Variants in NRXN3 observed in about 807,000 individuals in gnomAD.
NRXN3 encodes neurexin 3, also known as neurexin III.
A neutral mutation model predicts 137.6 loss-of-function variants in NRXN3; 32 were observed. The ratio of observed to expected loss-of-function variants is 0.23; its 90% CI spans 0.18 to 0.31. The LOEUF is 0.31. Ranked by LOEUF, NRXN3 falls within the 10% of genes least tolerant of loss-of-function variation. The pLI, the probability that NRXN3 is intolerant of heterozygous loss-of-function variation, is 1.00. For missense variants in NRXN3, 1,574 were observed against 2,062.5 expected (o/e 0.76, Z 4.59); for synonymous variants, 798 against 784.5 (o/e 1.02, Z -0.29).
At chr14:78,955,165 C>T (rs546702033) in intron 10 of NRXN3, among the ~76,000 whole-genome samples, 1 of 152,166 alleles carries the variant, frequency 6.6e-6, no homozygotes, top group South Asian at 2.1e-4. Context: ...CGTCTTTCTT[C>T]ACTTTTTTCT....
intron 15 of NRXN3, among the ~76,000 whole-genome samples, chr14:79,147,720 A>G (rs1486247636): frequency 6.6e-6 from 1 of 152,076 alleles, no homozygotes; most frequent in African/African-American, 2.4e-5. Flanking sequence ...GGCAGGCAAC[A>G]GTGGGGTCCT....
chr14:79,757,324 T>C (rs1238723420), intron 19 of NRXN3, among the ~76,000 whole-genome samples: 1 of 152,142 alleles, frequency 6.6e-6, no homozygotes, highest in Non-Finnish European at 1.5e-5. Flanking sequence ...TCAGAACAAC[T>C]AGGGGGAAAT....
intron 15 of NRXN3, among the ~76,000 whole-genome samples, chr14:79,092,909 T>C (rs1381165937): frequency 6.6e-6 from 1 of 152,156 alleles, no homozygotes; most frequent in Non-Finnish European, 1.5e-5. Flanking sequence ...TGTTACCTTC[T>C]GAGGAGTCTA....
intron 10 of NRXN3, among the ~76,000 whole-genome samples, chr14:78,915,084 A>C (rs1181186014): frequency 6.6e-6 from 1 of 152,054 alleles, no homozygotes; most frequent in African/African-American, 2.4e-5. Context: ...TCTCAGAAAG[A>C]GATGTTTTTG....
chr14:79,242,317 G>A (rs938220828), intron 15 of NRXN3, among the ~76,000 whole-genome samples: 1 of 152,072 alleles, frequency 6.6e-6, no homozygotes, highest in Non-Finnish European at 1.5e-5. Flanking sequence ...GTATGAAGTA[G>A]GCAAGCCAGA....
intron 16 of NRXN3, among the ~76,000 whole-genome samples, chr14:79,650,169 A>G (rs191224392): frequency 6.6e-6 from 1 of 152,228 alleles, no homozygotes; most frequent in East Asian, 1.9e-4. Flanking sequence ...TAGCGTCAGA[A>G]GCGTGTTGTG....
chr14:78,352,741 G>T (rs889816000), intron 4 of NRXN3, among the ~76,000 whole-genome samples: 1 of 152,222 alleles, frequency 6.6e-6, no homozygotes, highest in Non-Finnish European at 1.5e-5. Context: ...CTCAGTGGTT[G>T]CAAGCTTTGT....
intron 2 of NRXN3, among the ~76,000 whole-genome samples, chr14:78,273,605 C>A (rs2073122254): frequency 6.6e-6 from 1 of 152,178 alleles, no homozygotes. Context: ...GTTAGACCAG[C>A]TGGGGTCTGT....
chr14:78,747,986 A>T (rs2098620059), intron 8 of NRXN3, among the ~76,000 whole-genome samples: 1 of 152,194 alleles, frequency 6.6e-6, no homozygotes, highest in Admixed American at 6.5e-5. Flanking sequence ...CATGAAAGAG[A>T]ACACTTGGGT....
At position 79,866,759 on chromosome 14, in the gene NRXN3, A is replaced by T. The variant is rs2371105; in HGVS notation, c.*4795A>T. On this transcript the variant is annotated 3_prime_UTR_variant, in exon 21 of 21. Coordinates refer to ENST00000335750, the MANE Select transcript of NRXN3 (RefSeq NM_001330195.2). ...ACCGAGTTTCCTGATAGAGATGTTT[A>T]TCTGGGGGAAAAAGGCATAAGTCAA... is the stretch of plus-strand genomic sequence containing the variant. 139,131 of 152,234 alleles carry T rather than the reference A, an allele frequency of 0.91. 63,630 individuals are homozygous for T. The highest frequency in any genetic ancestry group is 1 in the East Asian group (5,171 of 5,172). The allele number at this position is 152,234 out of a possible 1,614,324, so 9.4% of individuals were successfully genotyped here.
At chr14:79,504,670 T>TATATATATATATATAAAA (rs1297701522) in intron 16 of NRXN3, among the ~76,000 whole-genome samples, 1 of 143,120 alleles carries the variant, frequency 7.0e-6, no homozygotes, top group African/African-American at 2.6e-5. Flanking sequence ...TATATATATA[T>TATATATATATATATAAAA]ATATAAAACA....
intron 10 of NRXN3, among the ~76,000 whole-genome samples, chr14:78,866,641 A>G (rs1425072586): frequency 1.3e-5 from 2 of 151,984 alleles, no homozygotes; most frequent in East Asian, 3.9e-4. Context: ...CTACTGATAG[A>G]TTAACCTATC....
chr14:79,826,412 C>A (rs1426589094), intron 20 of NRXN3, among the ~76,000 whole-genome samples: 6 of 152,114 alleles, frequency 3.9e-5, no homozygotes, highest in African/African-American at 1.4e-4. Context: ...TAACATTTGC[C>A]ACATTTGCTT....
intron 15 of NRXN3, among the ~76,000 whole-genome samples, chr14:79,466,276 A>G (rs976590100): frequency 6.6e-6 from 1 of 152,190 alleles, no homozygotes; most frequent in Non-Finnish European, 1.5e-5. Context: ...AGGGAACAAA[A>G]AAAAGGTCCA....
At chr14:79,795,972 G>A (rs1400328941) in intron 19 of NRXN3, among the ~76,000 whole-genome samples, 1 of 152,148 alleles carries the variant, frequency 6.6e-6, no homozygotes, top group Non-Finnish European at 1.5e-5. Context: ...AGTAGATTTG[G>A]TCTTTGGAGC....
chr14:78,295,084 G>A (rs1173944818), intron 3 of NRXN3, among the ~76,000 whole-genome samples: 1 of 152,170 alleles, frequency 6.6e-6, no homozygotes, highest in Non-Finnish European at 1.5e-5. Flanking sequence ...TGGAATTCTT[G>A]GTTTCCAGTT....
chr14:78,206,879 T>A (rs946155606), intron 1 of NRXN3, among the ~76,000 whole-genome samples: 5 of 152,244 alleles, frequency 3.3e-5, no homozygotes, highest in Admixed American at 6.5e-5. Context: ...TTGTTTGTTT[T>A]TTGAGATGGA....
chr14:78,175,597 G>A (rs1042627556), intron 1 of NRXN3, among the ~76,000 whole-genome samples: 2 of 152,142 alleles, frequency 1.3e-5, no homozygotes, highest in African/African-American at 2.4e-5. Flanking sequence ...CTGCAGCTCT[G>A]AGCCTTGAGG....
At chr14:78,188,130 G>T (rs1397258616) in intron 1 of NRXN3, among the ~76,000 whole-genome samples, 11 of 152,176 alleles carry the variant, frequency 7.2e-5, no homozygotes, top group Non-Finnish European at 1.5e-4. Context: ...TCCCCAGCTA[G>T]TAAGTGTTAC....
Sources: gnomAD v4.1 joint callset for allele counts (sites outside exome capture counted in the v4.1 genomes callset) on GRCh38, gnomAD v4.1.1 for gene constraint, MANE v1.5 for transcripts, NCBI Gene and HGNC (gene_info 2026-07-23, HGNC 2026-07-21) for gene names.